RPS6KA2: variants seen among roughly 807,000 people sequenced by gnomAD.
The protein encoded by RPS6KA2 is ribosomal protein S6 kinase A2.
A neutral mutation model predicts 91.8 loss-of-function variants in RPS6KA2; 42 were observed. The observed-to-expected ratio is 0.46, with a 90% CI of 0.36 to 0.59. RPS6KA2 has a LOEUF of 0.59. RPS6KA2 is among the 20% of genes least tolerant of loss of function. The pLI, the probability that RPS6KA2 is intolerant of heterozygous loss-of-function variation, is 0.00. For synonymous variants in RPS6KA2, 414 were observed against 393.6 expected (o/e 1.05, Z -0.61); for missense variants, 798 against 978.5 (o/e 0.82, Z 2.46).
chr6:166,783,151 G>A (rs1203335727), intron 2 of RPS6KA2, among the ~76,000 whole-genome samples: 6 of 150,962 alleles, frequency 4.0e-5, no homozygotes, highest in Admixed American at 4.0e-4. Flanking sequence ...TGCAGTGGAG[G>A]CTTCACAGCT....
chr6:166,412,978 C>T lies in RPS6KA2; in HGVS notation c.2077-91G>A, dbSNP rs1778365550. On this transcript the variant is annotated intron_variant, in intron 20 of 20. Transcript: ENST00000265678. The surrounding 1 kb of genome is among the most constrained non-coding windows in gnomAD (Gnocchi z 4.3). Reference sequence around the variant, plus strand: ...GGCCTCCATGGGCCTCAGCTGCCCCCAGGCAACGTGGGAGAAACCAGAGCT... The same window carrying T: ...GGCCTCCATGGGCCTCAGCTGCCCCTAGGCAACGTGGGAGAAACCAGAGCT... The T allele has an allele frequency of 7.4e-7, 1 of 1,345,372 alleles. No individual in the cohort carries two copies. Among genetic ancestry groups the T allele is most frequent in the Non-Finnish European group, 9.9e-7 (1 of 1,013,122 alleles). 83.3% of individuals were successfully genotyped at this position (1,345,372 alleles called of 1,614,324 possible).
chr6:166,826,546 A>G (rs1780052510), intron 2 of RPS6KA2, among the ~76,000 whole-genome samples: 1 of 152,192 alleles, frequency 6.6e-6, no homozygotes, highest in African/African-American at 2.4e-5. Flanking sequence ...TGGCTCTTAC[A>G]AAAGATTAGT....
At chr6:166,511,948 A>G (rs1401111435) in intron 3 of RPS6KA2, among the ~76,000 whole-genome samples, 1 of 152,202 alleles carries the variant, frequency 6.6e-6, no homozygotes, top group African/African-American at 2.4e-5. Context: ...CACAGGATAC[A>G]CATCCAAAAA....
At chr6:166,762,609 T>G (rs1436126236) in intron 2 of RPS6KA2, among the ~76,000 whole-genome samples, 2 of 152,186 alleles carry the variant, frequency 1.3e-5, no homozygotes, top group East Asian at 1.9e-4. Context: ...CAACCTGCTG[T>G]GCACCACGGT....
rs538307780 is a variant in RPS6KA2 at position 166,796,246 on chromosome 6, A to G, written c.123+61954T>C. Among the ~76,000 whole-genome samples, 45 of 152,350 alleles carry G rather than the reference A, an allele frequency of 3.0e-4. 2 individuals are homozygous for G. In the South Asian group the frequency reaches 8.5e-3, roughly 29 times the overall value. On this transcript the variant is annotated intron_variant, in intron 2 of 21. Coordinates refer to the RPS6KA2 transcript ENST00000503859. The stretch of plus-strand genomic sequence containing the variant: ...AGACAAAAAGACCACTCATGTCCAT[A>G]TGGACAAACATTATCACAAACTTTC...
At chr6:166,830,072 C>A (rs1214299499) in intron 2 of RPS6KA2, among the ~76,000 whole-genome samples, 1 of 149,350 alleles carries the variant, frequency 6.7e-6, no homozygotes, top group African/African-American at 2.5e-5. Flanking sequence ...ATTGCATGAG[C>A]CGAGATCGCA....
At chr6:166,809,774 C>A (rs845671) in intron 2 of RPS6KA2, among the ~76,000 whole-genome samples, 61 of 151,864 alleles carry the variant, frequency 4.0e-4, no homozygotes, top group Admixed American at 4.6e-4. Context: ...GGCATCCTGG[C>A]GATGTTTATT....
intron 1 of RPS6KA2, among the ~76,000 whole-genome samples, chr6:166,613,108 G>T (rs978903338): frequency 1.1e-4 from 17 of 152,194 alleles, no homozygotes; most frequent in Non-Finnish European, 2.2e-4. Flanking sequence ...CTAAGTTAAG[G>T]GGGGAGGTTT....
At chr6:166,659,081 C>A (rs114433100) in intron 2 of RPS6KA2, among the ~76,000 whole-genome samples, 1 of 152,076 alleles carries the variant, frequency 6.6e-6, no homozygotes, top group South Asian at 2.1e-4. Flanking sequence ...CCTTTTGTGG[C>A]GCTTACATGG....
intron 17 of RPS6KA2, among the ~76,000 whole-genome samples, chr6:166,422,074 A>C (rs1244603039): frequency 6.6e-6 from 1 of 151,858 alleles, no homozygotes; most frequent in African/African-American, 2.4e-5. Flanking sequence ...TAATTTTTGT[A>C]TTTTTAGTAG....
chr6:166,656,201 G>C (rs966645803), intron 2 of RPS6KA2, among the ~76,000 whole-genome samples: 1 of 152,170 alleles, frequency 6.6e-6, no homozygotes, highest in East Asian at 1.9e-4. Flanking sequence ...ATGCTACATG[G>C]GTAAAGATAT....
chr6:166,536,525 G>A (rs1229465048), intron 2 of RPS6KA2, among the ~76,000 whole-genome samples: 1 of 152,172 alleles, frequency 6.6e-6, no homozygotes, highest in African/African-American at 2.4e-5. Context: ...CTCTAGTGAC[G>A]ATATTAGCTC....
At chr6:166,444,731 G>A (rs1161409486) in intron 14 of RPS6KA2, among the ~76,000 whole-genome samples, 1 of 152,200 alleles carries the variant, frequency 6.6e-6, no homozygotes, top group Non-Finnish European at 1.5e-5. Flanking sequence ...TCGAGAGGGA[G>A]GGACAAGCCT....
At chr6:166,859,497 G>C (rs1329638596) in intron 1 of RPS6KA2, among the ~76,000 whole-genome samples, 1 of 152,212 alleles carries the variant, frequency 6.6e-6, no homozygotes, top group Non-Finnish European at 1.5e-5. Context: ...TTTCATGCTA[G>C]ATTCTGCCGG....
chr6:166,728,430 A>G (rs1790413129), intron 2 of RPS6KA2, among the ~76,000 whole-genome samples: 1 of 152,180 alleles, frequency 6.6e-6, no homozygotes, highest in Non-Finnish European at 1.5e-5. Context: ...TGCAGTGGAT[A>G]AAAAAGAGTC....
At chr6:166,517,455 GTTTTTTTTTTTTT>G (rs71032809) in intron 3 of RPS6KA2, among the ~76,000 whole-genome samples, 5 of 104,970 alleles carry the variant, frequency 4.8e-5, no homozygotes, top group South Asian at 3.0e-4. Flanking sequence ...CTTTTGTTTT[GTTTTTTTTTTTTT>G]TTTTTTTTTT....
chr6:166,786,673 C>A (rs1047244422), intron 2 of RPS6KA2, among the ~76,000 whole-genome samples: 8 of 151,912 alleles, frequency 5.3e-5, no homozygotes, highest in Middle Eastern at 6.8e-3. Context: ...AGATGCATAC[C>A]TTCCACATCA....
chr6:166,433,663 G>A lies in RPS6KA2; in HGVS notation c.1333-1173C>T, dbSNP rs570508006. Among the ~76,000 whole-genome samples the A allele has an allele frequency of 9.7e-4, 148 of 152,296 alleles. No individual in the cohort carries two copies. The highest frequency in any genetic ancestry group is 6.2e-3 in the South Asian group (30 of 4,822). On this transcript the variant is annotated intron_variant, in intron 14 of 20. Coordinates refer to ENST00000265678, the MANE Select transcript of RPS6KA2 (RefSeq NM_021135.6). The surrounding 1 kb of genome is among the most constrained non-coding windows in gnomAD (Gnocchi z 4.4). Reference sequence around the variant, plus strand: ...TTAAAATAGTCTCTATTTGGAGACCGTGCAGTCATTTTACTACTAGAATAT... The same window carrying A: ...TTAAAATAGTCTCTATTTGGAGACCATGCAGTCATTTTACTACTAGAATAT...
At position 166,496,706 on chromosome 6, in the gene RPS6KA2, C is replaced by A. The variant is rs544168586; in HGVS notation, c.747+1802G>T. 2.6e-5 allele frequency among the ~76,000 whole-genome samples: 4 copies of A among 152,288 alleles called. No homozygotes were observed. The East Asian group carries it at 7.7e-4, about 29-fold the overall frequency. On this transcript the variant is annotated intron_variant, in intron 8 of 20. Transcript: ENST00000265678. ...ACTGCTGGATGGGCCACTTGTGAGC[C>A]CAGAGTTATAGGACAGGACCCAGAG...
Sources: allele counts gnomAD v4.1 joint callset (sites outside exome capture counted in the v4.1 genomes callset), GRCh38; gene constraint gnomAD v4.1.1; non-coding constraint Gnocchi (gnomAD v3.1); transcripts MANE v1.5; gene names NCBI Gene and HGNC (gene_info 2026-07-23, HGNC 2026-07-21).